The following SAMMSON variants were observed in gnomAD, a reference collection of about 807,000 sequenced individuals.
The protein encoded by SAMMSON is survival associated mitochondrial melanoma specific oncogenic non-coding RNA.
At chr3:70,397,644 A>G (rs900629901) in intron 2 of SAMMSON, among the ~76,000 whole-genome samples, 1 of 152,092 alleles carries the variant, frequency 6.6e-6, no homozygotes, top group African/African-American at 2.4e-5. Context: ...GTATGTGTGT[A>G]TGATTTCATT....
At chr3:70,019,781 T>G (rs994852307) in intron 3 of SAMMSON, among the ~76,000 whole-genome samples, 1 of 152,168 alleles carries the variant, frequency 6.6e-6, no homozygotes, top group Non-Finnish European at 1.5e-5. Flanking sequence ...GACCTGGTGG[T>G]GACAAACAGA....
At chr3:70,158,966 T>G (rs1055041182) in intron 4 of SAMMSON, among the ~76,000 whole-genome samples, 9 of 152,064 alleles carry the variant, frequency 5.9e-5, no homozygotes, top group African/African-American at 2.2e-4. Flanking sequence ...TCCAAACCTT[T>G]TGTGACTTAC....
At chr3:70,336,705 C>T (rs1392150967) in intron 7 of SAMMSON, among the ~76,000 whole-genome samples, 1 of 151,830 alleles carries the variant, frequency 6.6e-6, no homozygotes, top group Non-Finnish European at 1.5e-5. Context: ...GTTGAACTTA[C>T]TAGCAACATT....
chr3:70,333,169 C>G (rs1344668697), intron 7 of SAMMSON, among the ~76,000 whole-genome samples: 1 of 152,002 alleles, frequency 6.6e-6, no homozygotes, highest in Non-Finnish European at 1.5e-5. Context: ...ACTAGCCATT[C>G]CCCACTCGTT....
intron 2 of SAMMSON, among the ~76,000 whole-genome samples, chr3:70,407,771 AG>A (rs1300703303): frequency 1.3e-5 from 2 of 152,148 alleles, no homozygotes; most frequent in Non-Finnish European, 2.9e-5. Flanking sequence ...TGCAGTCTGG[AG>A]GATGGTGGCC....
chr3:70,418,797 C>T (rs1701284949), intron 2 of SAMMSON, among the ~76,000 whole-genome samples: 1 of 152,072 alleles, frequency 6.6e-6, no homozygotes, highest in African/African-American at 2.4e-5. Flanking sequence ...CCAGACAAGC[C>T]TTATCTGGGA....
chr3:70,026,406 C>T (rs1032525611), intron 3 of SAMMSON, among the ~76,000 whole-genome samples: 4 of 152,096 alleles, frequency 2.6e-5, no homozygotes, highest in Non-Finnish European at 5.9e-5. Flanking sequence ...GTCTTTCTCA[C>T]TTGTCTCTCT....
intron 9 of SAMMSON, among the ~76,000 whole-genome samples, chr3:70,367,802 A>G (rs1415867979): frequency 1.3e-5 from 2 of 151,736 alleles, no homozygotes; most frequent in Admixed American, 6.6e-5. Context: ...GAAATTTCAT[A>G]GTGTTTTTCA....
chr3:70,090,239 AATT>A (rs961570168), intron 4 of SAMMSON, among the ~76,000 whole-genome samples: 2 of 152,188 alleles, frequency 1.3e-5, no homozygotes, highest in African/African-American at 4.8e-5. Context: ...ACTGGTAATA[AATT>A]ATTATTTTTT....
At chr3:70,395,405 T>A (rs1215842737) in intron 2 of SAMMSON, among the ~76,000 whole-genome samples, 1 of 149,156 alleles carries the variant, frequency 6.7e-6, no homozygotes, top group Non-Finnish European at 1.5e-5. Flanking sequence ...CCATAAGAGA[T>A]GTTTACTTCT....
At chr3:70,364,056 C>G (rs368931086) in intron 9 of SAMMSON, among the ~76,000 whole-genome samples, 3 of 151,934 alleles carry the variant, frequency 2.0e-5, no homozygotes, top group African/African-American at 7.2e-5. Context: ...CCCCTTTCCT[C>G]CTAATACTTA....
chr3:70,198,907 A>G (rs926825028), intron 4 of SAMMSON, among the ~76,000 whole-genome samples: 14 of 152,160 alleles, frequency 9.2e-5, no homozygotes, highest in Admixed American at 1.3e-4. Context: ...TAGTATATAG[A>G]CTGTTTCAAC....
chr3:70,018,241 A>G (rs1271679763), intron 3 of SAMMSON, among the ~76,000 whole-genome samples: 2 of 152,136 alleles, frequency 1.3e-5, no homozygotes, highest in African/African-American at 4.8e-5. Flanking sequence ...TAAACTATTA[A>G]TTATTGCCTC....
intron 9 of SAMMSON, among the ~76,000 whole-genome samples, chr3:70,364,506 C>G (rs1702903860): frequency 6.6e-6 from 1 of 151,820 alleles, no homozygotes; most frequent in Admixed American, 6.6e-5. Flanking sequence ...GCGGCTTGAA[C>G]TTTTTCTCTT....
At chr3:70,166,422 T>C (rs1324632981) in intron 4 of SAMMSON, among the ~76,000 whole-genome samples, 1 of 152,020 alleles carries the variant, frequency 6.6e-6, no homozygotes, top group Admixed American at 6.6e-5. Flanking sequence ...TCTCATATCC[T>C]ATGTTAAATG....
intron 1 of SAMMSON, among the ~76,000 whole-genome samples, chr3:70,001,894 C>T (rs926446778): frequency 1.3e-5 from 2 of 152,222 alleles, no homozygotes; most frequent in Non-Finnish European, 2.9e-5. Context: ...CTGTTCTGCT[C>T]TCCAGGCTCC....
At chr3:70,308,341 G>A (rs1313498264) in intron 7 of SAMMSON, among the ~76,000 whole-genome samples, 1 of 152,072 alleles carries the variant, frequency 6.6e-6, no homozygotes, top group Admixed American at 6.6e-5. Context: ...ATAGGCATGA[G>A]TCACTATGCT....
rs78969853 is a variant in SAMMSON at position 70,269,978 on chromosome 3, G to A, written n.674+20308G>A. On this transcript the variant is annotated intron_variant and non_coding_transcript_variant, in intron 6 of 9. Transcript: ENST00000642114. The stretch of plus-strand genomic sequence containing the variant: ...GAAAATGATCCTCAAATAAAGAGAA[G>A]GAAGGGAAAACAGATCGAAACAAAC... 4.1e-3 allele frequency among the ~76,000 whole-genome samples: 622 copies of A among 152,202 alleles called. 3 individuals carry two copies. The highest frequency in any genetic ancestry group is 0.014 in the African/African-American group (594 of 41,536).
chr3:70,243,581 G>T lies in SAMMSON; in HGVS notation n.508-5526G>T, dbSNP rs564329159. 3.9e-5 allele frequency among the ~76,000 whole-genome samples: 6 copies of T among 152,280 alleles called. No individual in the cohort carries two copies. The South Asian group carries it at 1.2e-3, about 32-fold the overall frequency. Reference sequence around the variant, plus strand: ...TGCACTATCGTCATTTTGGACTGGAGAATTCTTTGTCGTGGGGGTGCTGTG... The same window carrying T: ...TGCACTATCGTCATTTTGGACTGGATAATTCTTTGTCGTGGGGGTGCTGTG... On this transcript the variant is annotated intron_variant and non_coding_transcript_variant, in intron 4 of 9. Coordinates refer to ENST00000642114, the Ensembl canonical transcript of SAMMSON.
Sources: gnomAD v4.1 joint callset for allele counts (sites outside exome capture counted in the v4.1 genomes callset) on GRCh38, gnomAD v4.1.1 for gene constraint, MANE v1.5 for transcripts, NCBI Gene and HGNC (gene_info 2026-07-23, HGNC 2026-07-21) for gene names.